The following KLF12 variants were observed in gnomAD, a reference collection of about 807,000 sequenced individuals.
The protein encoded by KLF12 is Krueppel-like factor 12.
KLF12 carries 9 observed loss-of-function variants against 37.8 expected under a neutral mutation model. The ratio of observed to expected loss-of-function variants is 0.24; its 90% CI spans 0.14 to 0.42. The LOEUF (loss-of-function observed/expected upper bound fraction) is 0.42, where lower values mean the gene tolerates loss of function less well. KLF12 is among the 10% of genes least tolerant of loss of function. KLF12 has a pLI of 1.00. For synonymous variants in KLF12, 208 were observed against 202.1 expected (o/e 1.03, Z -0.25); for missense variants, 411 against 516.0 (o/e 0.80, Z 1.97).
intron 6 of KLF12, among the ~76,000 whole-genome samples, chr13:73,744,686 C>T (rs567951775): frequency 9.9e-5 from 15 of 152,086 alleles, no homozygotes; most frequent in Admixed American, 4.6e-4. Context: ...TGAGGAGCAA[C>T]GCAGGGAAGG....
chr13:73,829,338 A>C (rs1233495037), intron 4 of KLF12, among the ~76,000 whole-genome samples: 1 of 152,226 alleles, frequency 6.6e-6, no homozygotes, highest in Non-Finnish European at 1.5e-5. Flanking sequence ...CAGATGAGTC[A>C]GAGAGCAACA....
chr13:73,779,433 G>C (rs936284440), intron 5 of KLF12, among the ~76,000 whole-genome samples: 1 of 152,222 alleles, frequency 6.6e-6, no homozygotes, highest in Non-Finnish European at 1.5e-5. Flanking sequence ...GGTTTGGAGA[G>C]CTGTCAGGTT....
intron 1 of KLF12, among the ~76,000 whole-genome samples, chr13:74,058,999 T>C (rs1873421785): frequency 6.6e-6 from 1 of 152,250 alleles, no homozygotes; most frequent in Non-Finnish European, 1.5e-5. Context: ...TATGACTATG[T>C]GGACCCACTG....
At chr13:73,702,077 T>C (rs1593976904) in intron 7 of KLF12, among the ~76,000 whole-genome samples, 1 of 152,314 alleles carries the variant, frequency 6.6e-6, no homozygotes, top group Non-Finnish European at 1.5e-5. Context: ...CTGAAAACTC[T>C]GTAACTCCAT....
chr13:74,302,332 C>A, the KLF12 span, among the ~76,000 whole-genome samples: 1 of 152,110 alleles, frequency 6.6e-6, no homozygotes, highest in East Asian at 1.9e-4. Flanking sequence ...ACTTCACTTA[C>A]AAAAATAATG....
At chr13:74,305,351 A>G in the KLF12 span, among the ~76,000 whole-genome samples, 313 of 152,208 alleles carry the variant, frequency 2.1e-3, 1 homozygote, top group African/African-American at 7.3e-3. Flanking sequence ...CAGGTACTGA[A>G]ACTGACTTAT....
chr13:73,803,424 C>A (rs913120515), intron 5 of KLF12, among the ~76,000 whole-genome samples: 6 of 152,138 alleles, frequency 3.9e-5, no homozygotes, highest in African/African-American at 1.4e-4. Context: ...AAAATGTAAT[C>A]TTACCAGAGT....
intron 2 of KLF12, among the ~76,000 whole-genome samples, chr13:73,975,166 C>CT: frequency 6.6e-6 from 1 of 152,110 alleles, no homozygotes; most frequent in African/African-American, 2.4e-5. Flanking sequence ...TGTGCTTCTG[C>CT]TTTTTTCAGC....
intron 1 of KLF12, among the ~76,000 whole-genome samples, chr13:74,123,963 G>C (rs775213824): frequency 6.6e-6 from 1 of 152,150 alleles, no homozygotes; most frequent in Non-Finnish European, 1.5e-5. Context: ...CTATCAAGAT[G>C]AAACTAAATC....
intron 2 of KLF12, among the ~76,000 whole-genome samples, chr13:73,983,447 C>T (rs1228929280): frequency 6.6e-6 from 1 of 152,180 alleles, no homozygotes; most frequent in Non-Finnish European, 1.5e-5. Flanking sequence ...TACATTCCTG[C>T]TTATCGGGTG....
At chr13:74,052,885 T>C (rs1489417944) in intron 1 of KLF12, among the ~76,000 whole-genome samples, 2 of 152,272 alleles carry the variant, frequency 1.3e-5, no homozygotes, top group Non-Finnish European at 2.9e-5. Context: ...CCCTGGCTAG[T>C]AGGGTTTTTC....
intron 3 of KLF12, among the ~76,000 whole-genome samples, chr13:73,936,415 T>C (rs1393914808): frequency 6.6e-6 from 1 of 152,118 alleles, no homozygotes; most frequent in Non-Finnish European, 1.5e-5. Context: ...TCCACCCTGA[T>C]TTCTGTCAGC....
chr13:74,205,140 T>A, the KLF12 span, among the ~76,000 whole-genome samples: 6 of 152,136 alleles, frequency 3.9e-5, no homozygotes, highest in African/African-American at 1.4e-4. Flanking sequence ...TCACTAGTGG[T>A]CATCTACGTT....
At chr13:74,273,589 T>C in the KLF12 span, among the ~76,000 whole-genome samples, 1 of 152,076 alleles carries the variant, frequency 6.6e-6, no homozygotes, top group Admixed American at 6.6e-5. Flanking sequence ...AATCTTAGTC[T>C]GCAATACTCA....
intron 1 of KLF12, among the ~76,000 whole-genome samples, chr13:74,066,151 G>A (rs1490666166): frequency 6.6e-6 from 1 of 152,080 alleles, no homozygotes; most frequent in Non-Finnish European, 1.5e-5. Context: ...ACACTGAGAA[G>A]ACAAGACTAT....
chr13:74,139,372 T>C, the KLF12 span, among the ~76,000 whole-genome samples: 15 of 152,368 alleles, frequency 9.8e-5, no homozygotes, highest in African/African-American at 3.6e-4. Flanking sequence ...GATTAATGAA[T>C]GCTTCTTGAA....
intron 1 of KLF12, among the ~76,000 whole-genome samples, chr13:74,069,256 A>G (rs1874087770): frequency 6.6e-6 from 1 of 152,200 alleles, no homozygotes; most frequent in Non-Finnish European, 1.5e-5. Flanking sequence ...TGGAGGGCTG[A>G]CTTTTCCTAT....
At chr13:74,172,956 G>A in the KLF12 span, among the ~76,000 whole-genome samples, 2 of 152,062 alleles carry the variant, frequency 1.3e-5, no homozygotes, top group African/African-American at 2.4e-5. Flanking sequence ...CATGAAATAC[G>A]CCCGTACCTC....
chr13:74,121,732 G>A (rs1446024356), intron 1 of KLF12, among the ~76,000 whole-genome samples: 10 of 151,942 alleles, frequency 6.6e-5, no homozygotes, highest in Non-Finnish European at 1.5e-5. Context: ...GGAGAGGTGT[G>A]ATGATGGATA....
Sources: allele counts gnomAD v4.1 joint callset (sites outside exome capture counted in the v4.1 genomes callset), GRCh38; gene constraint gnomAD v4.1.1; transcripts MANE v1.5; gene names NCBI Gene and HGNC (gene_info 2026-07-23, HGNC 2026-07-21).